MSI2: variants seen among roughly 807,000 people sequenced by gnomAD.
MSI2 encodes the protein musashi RNA binding protein 2, also known as RNA-binding protein Musashi homolog 2.
In MSI2, 17 loss-of-function variants were observed where a neutral mutation model predicts 45.6. The ratio of observed to expected loss-of-function variants is 0.37; its 90% CI spans 0.26 to 0.56. MSI2 has a LOEUF of 0.56. Among genes scored for constraint, MSI2 ranks in the 20% least tolerant of loss-of-function variants. MSI2 has a pLI of 0.77. For synonymous variants in MSI2, 156 were observed against 158.2 expected, an observed-to-expected ratio of 0.99 and a Z score of 0.11; for missense variants, 293 against 444.2, an observed-to-expected ratio of 0.66 and a Z score of 3.06.
chr17:57,392,077 T>A (rs1170104447), intron 5 of MSI2, among the ~76,000 whole-genome samples: 2 of 152,202 alleles, frequency 1.3e-5, no homozygotes, highest in African/African-American at 4.8e-5. Flanking sequence ...GTGATCGGAA[T>A]GACGGCTAGC....
chr17:57,616,413 C>T, intron 9 of MSI2: 1 of 181,358 alleles, frequency 5.5e-6, no homozygotes, highest in Admixed American at 6.1e-5. Flanking sequence ...CTATCTGCCT[C>T]AGCCCTCTCA....
chr17:57,393,696 A>C (rs1178259223), intron 5 of MSI2, among the ~76,000 whole-genome samples: 1 of 151,996 alleles, frequency 6.6e-6, no homozygotes, highest in African/African-American at 2.4e-5. Flanking sequence ...TTATTTATTT[A>C]TTTTTGAGAT....
At chr17:57,625,967 C>T (rs1908757529) in intron 9 of MSI2, 1 of 152,300 alleles carries the variant, frequency 6.6e-6, no homozygotes, top group African/African-American at 2.4e-5. Context: ...CCAGTCCCTC[C>T]TCCTCTGCCC....
At chr17:57,495,130 T>A (rs1326357665) in intron 6 of MSI2, among the ~76,000 whole-genome samples, 1 of 152,018 alleles carries the variant, frequency 6.6e-6, no homozygotes, top group African/African-American at 2.4e-5. Flanking sequence ...CGCTCTCTCT[T>A]CAGAAAGAAA....
chr17:57,404,826 C>T (rs1485064766), intron 6 of MSI2, among the ~76,000 whole-genome samples: 1 of 152,078 alleles, frequency 6.6e-6, no homozygotes, highest in Non-Finnish European at 1.5e-5. Flanking sequence ...AAATTGGAGG[C>T]TTGTAAACCC....
intron 12 of MSI2, among the ~76,000 whole-genome samples, chr17:57,676,256 A>C (rs1429481331): frequency 1.3e-5 from 2 of 152,154 alleles, no homozygotes; most frequent in African/African-American, 4.8e-5. Flanking sequence ...ACACGCACAC[A>C]GACATGCACG....
At chr17:57,542,988 G>A (rs749768203) in intron 7 of MSI2, among the ~76,000 whole-genome samples, 6 of 152,172 alleles carry the variant, frequency 3.9e-5, no homozygotes, top group Non-Finnish European at 8.8e-5. Flanking sequence ...TGTCCCCTTT[G>A]CCCAGCAAAT....
At chr17:57,593,145 C>T (rs1239639051) in intron 7 of MSI2, among the ~76,000 whole-genome samples, 1 of 152,162 alleles carries the variant, frequency 6.6e-6, no homozygotes, top group Non-Finnish European at 1.5e-5. Context: ...CTCATTCATC[C>T]ACTCTCTCCT....
At chr17:57,441,979 C>T (rs1460762479) in intron 6 of MSI2, among the ~76,000 whole-genome samples, 2 of 151,862 alleles carry the variant, frequency 1.3e-5, no homozygotes, top group African/African-American at 2.4e-5. Flanking sequence ...ACCTCCCTTG[C>T]TTGGCTGTAC....
intron 5 of MSI2, among the ~76,000 whole-genome samples, chr17:57,321,860 G>A (rs753565882): frequency 4.0e-5 from 6 of 151,868 alleles, no homozygotes; most frequent in Non-Finnish European, 7.4e-5. Context: ...GCCGTGGCGC[G>A]ATCTTGGCTC....
At chr17:57,496,878 A>C (rs370628524) in intron 6 of MSI2, among the ~76,000 whole-genome samples, 2 of 152,120 alleles carry the variant, frequency 1.3e-5, no homozygotes, top group African/African-American at 4.8e-5. Context: ...TACAATTACA[A>C]CTTGTTTTGT....
In MSI2 at chr17:57,262,273, T is replaced by C. The variant is rs1432353810; in HGVS notation, c.312+81T>C. The C allele has an allele frequency of 4.2e-6, 6 of 1,436,374 alleles. No individual in the cohort carries two copies. In the African/African-American group the frequency reaches 8.4e-5, roughly 20 times the overall value. 89.0% of individuals were successfully genotyped at this position (1,436,374 alleles called of 1,614,324 possible). On this transcript the variant is annotated intron_variant, in intron 5 of 13. Transcript: ENST00000284073. Reference sequence around the variant, plus strand: ...TTCAAATTTCAAACAGCATTGGCCATGAACTGTTGAAGCCTGGTATTCACT... The same window carrying C: ...TTCAAATTTCAAACAGCATTGGCCACGAACTGTTGAAGCCTGGTATTCACT...
Position 57,599,931 on chromosome 17 carries a change from A to G in MSI2, c.537+2981A>G, listed in dbSNP as rs1160182830. Among the ~76,000 whole-genome samples, 3 of 152,206 alleles carry G rather than the reference A, an allele frequency of 2.0e-5. No homozygotes were observed. The East Asian group carries it at 5.8e-4, about 29-fold the overall frequency. On this transcript the variant is annotated intron_variant, in intron 8 of 13. Coordinates refer to ENST00000284073, the MANE Select transcript of MSI2 (RefSeq NM_138962.4). ...ACAGGGTGCAAGCTTGATCTGTGTT[A>G]TCTCTTGCCATTATCCTTGCCATCA...
chr17:57,482,733 C>A (rs757886261), intron 6 of MSI2, among the ~76,000 whole-genome samples: 2 of 152,180 alleles, frequency 1.3e-5, no homozygotes, highest in African/African-American at 2.4e-5. Context: ...TGTTTGTAGA[C>A]AGCAGTGCTG....
At chr17:57,316,625 CCATT>C (rs1372390744) in intron 5 of MSI2, among the ~76,000 whole-genome samples, 1 of 152,208 alleles carries the variant, frequency 6.6e-6, no homozygotes, top group Non-Finnish European at 1.5e-5. Context: ...TGCTCCCAGT[CCATT>C]CCTACTTTTG....
intron 7 of MSI2, among the ~76,000 whole-genome samples, chr17:57,551,397 G>A (rs573752848): frequency 2.6e-5 from 4 of 152,284 alleles, no homozygotes; most frequent in Admixed American, 6.5e-5. Context: ...GATTGCTGCC[G>A]GAGGGAGGGC....
At chr17:57,307,307 A>T (rs1171151033) in intron 5 of MSI2, among the ~76,000 whole-genome samples, 1 of 152,228 alleles carries the variant, frequency 6.6e-6, no homozygotes, top group Non-Finnish European at 1.5e-5. Flanking sequence ...GGAGTCACCC[A>T]GTCTGTTGAA....
At chr17:57,589,610 G>A (rs796368218) in intron 7 of MSI2, among the ~76,000 whole-genome samples, 5 of 152,334 alleles carry the variant, frequency 3.3e-5, no homozygotes, top group African/African-American at 9.6e-5. Context: ...GACTTGTGAC[G>A]ATGCAAGCAC....
At chr17:57,582,818 T>G (rs1466079319) in intron 7 of MSI2, among the ~76,000 whole-genome samples, 2 of 152,254 alleles carry the variant, frequency 1.3e-5, no homozygotes, top group Non-Finnish European at 2.9e-5. Context: ...ATGTTCATGT[T>G]TTTTTTCAAA....
Sources: gnomAD v4.1 joint callset for allele counts (sites outside exome capture counted in the v4.1 genomes callset) on GRCh38, gnomAD v4.1.1 for gene constraint, MANE v1.5 for transcripts, NCBI Gene and HGNC (gene_info 2026-07-23, HGNC 2026-07-21) for gene names.